Variants in FBXW9 observed in about 807,000 individuals in gnomAD.
FBXW9 encodes F-box/WD repeat-containing protein 9.
In FBXW9, 38 loss-of-function variants were observed where a neutral mutation model predicts 55.8. The observed-to-expected ratio is 0.68, with a 90% CI of 0.53 to 0.89. The LOEUF (loss-of-function observed/expected upper bound fraction) is 0.89. Among genes scored for constraint, FBXW9 ranks in the 40% least tolerant of loss-of-function variants. The pLI is 0.00. For missense variants in FBXW9, 590 were observed against 619.4 expected (o/e 0.95, Z 0.50); for synonymous variants, 289 against 278.2 (o/e 1.04, Z -0.38).
chr19:12,691,342 T>C lies in FBXW9; in HGVS notation c.791A>G (p.Lys264Arg), dbSNP rs529510102. 4 of 1,613,838 alleles carry C rather than the reference T, an allele frequency of 2.5e-6. No homozygotes were observed. The highest frequency in any genetic ancestry group is 2.2e-5 in the South Asian group (2 of 91,080). Residue 264 changes from lysine (K) to arginine (R), a missense_variant and splice_region_variant, in exon 4 of 10, where the codon AAG becomes AGG. Transcript: ENST00000393261. Reference sequence around the variant, plus strand: ...GCCCCCTGCCCAGGCCCCCACACACTTTATCTCGCCGAACTGCTGCCCATC... The same window carrying C: ...GCCCCCTGCCCAGGCCCCCACACACCTTATCTCGCCGAACTGCTGCCCATC... ...AADGQQFGEIKASSAVLCLSY... is the reference protein window; with the variant it reads ...AADGQQFGEIRASSAVLCLSY...
rs1316208811 is a variant in FBXW9, at chr19:12,690,064, C to T, written c.930G>A (p.Val310=). Residue 310 remains valine, a synonymous_variant, in exon 6 of 10, where the codon GTG becomes GTA. Transcript: ENST00000393261. ...LKHQQLHSRP[V]LTLLADDRHI... is the part of the protein sequence containing the mutation. ...GCCGGTCATCCGCCAGCAGGGTCAG[C>T]ACGGGTCTGGAGTGTAGTTGCTGGT... 1 of 1,614,050 alleles carries T rather than the reference C, an allele frequency of 6.2e-7. No homozygotes were observed. Among genetic ancestry groups the T allele is most frequent in the African/African-American group, 1.3e-5 (1 of 75,042 alleles).
At chr19:12,692,070 T>C (rs1409700709) in intron 3 of FBXW9, among the ~76,000 whole-genome samples, 1 of 150,676 alleles carries the variant, frequency 6.6e-6, no homozygotes, top group East Asian at 2.0e-4. Context: ...AACTCTTTTT[T>C]TTTTTTTGAG....
At position 12,696,382 on chromosome 19, in the gene FBXW9, GC is replaced by G; in HGVS notation, c.199del (p.Ala67ProfsTer8). ...ACTTACGGCCGAAACCCTGGACGCG[GC>G]CCGAGGCTCCGAAGCGCTCGGGGAC... ...AASPSASEPRAASRVSAVSEP... is the reference protein window; with the variant it reads ...AASPSASEPRXASRVSAVSEP... On this transcript the variant is annotated frameshift_variant, in exon 1 of 10. Transcript: ENST00000393261. LOFTEE classifies it high-confidence loss of function. 1 of 1,610,858 alleles carries G rather than the reference GC, an allele frequency of 6.2e-7. No individual in the cohort carries two copies. Among genetic ancestry groups the G allele is most frequent in the Non-Finnish European group, 8.5e-7 (1 of 1,179,204 alleles).
In FBXW9 at chr19:12,689,794, G is replaced by T; in HGVS notation, c.1113C>A (p.Phe371Leu). The change falls in exon 7 of 10, where the codon TTC (phenylalanine) becomes TTA (leucine). Residue 371 changes from phenylalanine to leucine, a missense_variant. Phe to Leu is a conservative substitution (Grantham distance 22). Coordinates refer to ENST00000393261, the MANE Select transcript of FBXW9 (RefSeq NM_032301.3). The surrounding 1 kb of genome is among the most constrained non-coding windows in gnomAD (Gnocchi z 5.9). ...AGDNQGLLHVFANRNGCFQLI... is the reference protein window; with the variant it reads ...AGDNQGLLHVLANRNGCFQLI... ...GCTGGAAGCAGCCGTTGCGGTTGGC[G>T]AAGACGTGCAGCAGGCCCTGGTTGT... 6.2e-7 allele frequency: 1 copy of T among 1,614,148 alleles called. No individual in the cohort carries two copies. The highest frequency in any genetic ancestry group is 1.1e-5 in the South Asian group (1 of 91,088).
Position 12,696,528 on chromosome 19 carries a change from C to G in FBXW9, c.54G>C (p.Ser18=), listed in dbSNP as rs1162019349. 18 of 1,612,636 alleles carry G rather than the reference C, an allele frequency of 1.1e-5. No homozygotes were observed. The highest frequency in any genetic ancestry group is 1.5e-5 in the Non-Finnish European group (18 of 1,179,976). The change falls in exon 1 of 10, where the codon TCG becomes TCC. Residue 18 remains serine (S), a synonymous_variant. Transcript: ENST00000393261. ...CDDSRTWDDD[S]DPESETDPDA... is the part of the protein sequence containing the mutation. The stretch of plus-strand genomic sequence containing the variant: ...CTGGGTCTGTCTCTGACTCTGGGTC[C>G]GAGTCATCGTCCCAGGTGCGGGAAT...
chr19:12,696,213 G>C lies in FBXW9; in HGVS notation c.369C>G (p.Arg123=). ...AGGGCGCGCGTACGCGGCGTAGCGC[G>C]CGTAGCCTCCAGGTGACATGGTCAG... ...LVSDHVTWRL[R]ALRRVRAPYP... Residue 123 remains arginine, a synonymous_variant, in exon 1 of 10, where the codon CGC becomes CGG. Transcript: ENST00000393261. 6.4e-7 allele frequency: 1 copy of C among 1,552,382 alleles called. No homozygotes were observed. The highest frequency in any genetic ancestry group is 8.7e-7 in the Non-Finnish European group (1 of 1,149,936).
chr19:12,696,592 T>A lies in FBXW9; in HGVS notation c.-11A>T. ...TAGGGGAAGCTCCATTGCGACCGGG[T>A]GGGCGCTGCCGGCCTCGCGTCTTGT... is the stretch of plus-strand genomic sequence containing the variant. On this transcript the variant is annotated 5_prime_UTR_variant, in exon 1 of 10. Transcript: ENST00000393261. 2 of 1,604,206 alleles carry A rather than the reference T, an allele frequency of 1.2e-6. No homozygotes were observed. The highest frequency in any genetic ancestry group is 1.7e-6 in the Non-Finnish European group (2 of 1,178,994).
intron 1 of FBXW9, 86 bp downstream of exon 1, chr19:12,696,086 GA>G: frequency 7.7e-7 from 1 of 1,301,574 alleles, no homozygotes; most frequent in Non-Finnish European, 1.0e-6. Context: ...GCTGCATCCG[GA>G]ACACCCCATG....
rs968029397 is a variant in FBXW9, at chr19:12,694,699, G to A, written c.573C>T (p.Gly191=). 13 of 1,614,094 alleles carry A rather than the reference G, an allele frequency of 8.1e-6. No homozygotes were observed. In the Admixed American group the frequency reaches 1.2e-4, roughly 14 times the overall value. ...LLQGGSLCLS[G]SRDRNVNLWD... Reference sequence around the variant, plus strand: ...ACAAGTTGACGTTGCGATCTCGGGAGCCCGACAGACAGAGTGACCCACCCT... The same window carrying A: ...ACAAGTTGACGTTGCGATCTCGGGAACCCGACAGACAGAGTGACCCACCCT... Residue 191 remains glycine, a synonymous_variant, in exon 3 of 10, where the codon GGC becomes GGT. Transcript: ENST00000393261.
chr19:12,693,330 G>T (rs1431363235), intron 3 of FBXW9, among the ~76,000 whole-genome samples: 1 of 150,784 alleles, frequency 6.6e-6, no homozygotes, highest in Admixed American at 6.6e-5. Flanking sequence ...CTCTCAAGGT[G>T]TACCTGACGT....
At chr19:12,691,024 T>C in intron 5 of FBXW9, 142 bp downstream of exon 5, 2 of 776,742 alleles carry the variant, frequency 2.6e-6, no homozygotes, top group Admixed American at 2.0e-5. Flanking sequence ...CCAAGTTGCC[T>C]GTATTGTACC....
Position 12,691,380 on chromosome 19 carries a change from C to A in FBXW9, c.753G>T (p.Trp251Cys). Residue 251 changes from tryptophan to cysteine, a missense_variant, in exon 4 of 10, where the codon TGG becomes TGT. By Grantham distance (215) the Trp-to-Cys change is radical (BLOSUM62 -2). Coordinates refer to ENST00000393261, the MANE Select transcript of FBXW9 (RefSeq NM_032301.3). ...SGSWDSTVKLWDMAADGQQFG... is the reference protein window; with the variant it reads ...SGSWDSTVKLCDMAADGQQFG... ...ACTGCTGCCCATCCGCTGCCATGTC[C>A]CAGAGCTTCACTGTGCTGTCCCAGG... is the stretch of plus-strand genomic sequence containing the variant. 6.2e-7 allele frequency: 1 copy of A among 1,613,110 alleles called. No individual in the cohort carries two copies. The highest frequency in any genetic ancestry group is 2.2e-5 in the East Asian group (1 of 44,812).
At position 12,689,787 on chromosome 19, in the gene FBXW9, GGTTGGCGAAGAC is replaced by G; in HGVS notation, c.1108_1119del (p.Val370_Asn373del). On this transcript the variant is annotated inframe_deletion, in exon 7 of 10. Coordinates refer to ENST00000393261, the MANE Select transcript of FBXW9 (RefSeq NM_032301.3). The surrounding 1 kb of genome is among the most constrained non-coding windows in gnomAD (Gnocchi z 5.9). ...CGGATAAGCTGGAAGCAGCCGTTGC[GGTTGGCGAAGAC>G]GTGCAGCAGGCCCTGGTTGTCACCA... 1 of 1,614,124 alleles carries G rather than the reference GGTTGGCGAAGAC, an allele frequency of 6.2e-7. No individual in the cohort carries two copies. The highest frequency in any genetic ancestry group is 8.5e-7 in the Non-Finnish European group (1 of 1,179,996).
In FBXW9 at chr19:12,689,202, C is replaced by T. The variant is rs769163027; in HGVS notation, c.*14G>A. 1.9e-6 allele frequency: 3 copies of T among 1,577,686 alleles called. No homozygotes were observed. Among genetic ancestry groups the T allele is most frequent in the Non-Finnish European group, 2.6e-6 (3 of 1,146,912 alleles). ...AGCCTCCGGCAGGCAGTATCCACAT[C>T]CACGCCCACCTGCTCAGGCCTGCAG... On this transcript the variant is annotated 3_prime_UTR_variant, in exon 10 of 10. Coordinates refer to ENST00000393261, the MANE Select transcript of FBXW9 (RefSeq NM_032301.3). The surrounding 1 kb of genome is among the most constrained non-coding windows in gnomAD (Gnocchi z 5.9).
At chr19:12,693,456 T>C (rs2025029230) in intron 3 of FBXW9, among the ~76,000 whole-genome samples, 1 of 133,848 alleles carries the variant, frequency 7.5e-6, no homozygotes, top group African/African-American at 2.9e-5. Context: ...GCCAGGAGTT[T>C]GAGACCAGCC....
intron 5 of FBXW9, among the ~76,000 whole-genome samples, chr19:12,690,627 A>G (rs1039880986): frequency 6.6e-6 from 1 of 152,068 alleles, no homozygotes; most frequent in South Asian, 2.1e-4. Flanking sequence ...CATTTAAAAA[A>G]AAGAAAAATG....
Position 12,696,583 on chromosome 19 carries a change from G to C in FBXW9, c.-2C>G, listed in dbSNP as rs1368465325. 2.5e-6 allele frequency: 4 copies of C among 1,607,076 alleles called. No individual in the cohort carries two copies. Among genetic ancestry groups the C allele is most frequent in the Non-Finnish European group, 3.4e-6 (4 of 1,179,472 alleles). ...GCACCGCCCTAGGGGAAGCTCCATT[G>C]CGACCGGGTGGGCGCTGCCGGCCTC... is the stretch of plus-strand genomic sequence containing the variant. On this transcript the variant is annotated 5_prime_UTR_variant, in exon 1 of 10. Transcript: ENST00000393261.
chr19:12,692,680 G>A (rs1450340551), intron 3 of FBXW9, among the ~76,000 whole-genome samples: 1 of 151,398 alleles, frequency 6.6e-6, no homozygotes, highest in Non-Finnish European at 1.5e-5. Context: ...CACGCACCAC[G>A]CCTGGCTAAT....
rs765874867 is a variant in FBXW9 at position 12,691,329 on chromosome 19, G to A, written c.791+13C>T. On this transcript the variant is annotated intron_variant, in intron 4 of 9. Coordinates refer to ENST00000393261, the MANE Select transcript of FBXW9 (RefSeq NM_032301.3). ...CCTATCCCCGCAGGCCCCCTGCCCA[G>A]GCCCCCACACACTTTATCTCGCCGA... 1 of 1,613,686 alleles carries A rather than the reference G, an allele frequency of 6.2e-7. No homozygotes were observed. The highest frequency in any genetic ancestry group is 1.7e-5 in the Admixed American group (1 of 60,024).
Sources: allele counts gnomAD v4.1 joint callset (sites outside exome capture counted in the v4.1 genomes callset), GRCh38; gene constraint gnomAD v4.1.1; non-coding constraint Gnocchi (gnomAD v3.1); transcripts MANE v1.5; gene names NCBI Gene and HGNC (gene_info 2026-07-23, HGNC 2026-07-21).